Variants in NEK11 observed in about 807,000 individuals in gnomAD.
NEK11 encodes the protein NIMA related kinase 11.
A neutral mutation model predicts 80.7 loss-of-function variants in NEK11; 72 were observed. The observed-to-expected ratio is 0.89, with a 90% CI of 0.74 to 1.08. The LOEUF (loss-of-function observed/expected upper bound fraction) is 1.08, where lower values mean the gene tolerates loss of function less well. Ranked by LOEUF, NEK11 falls within the 50% of genes least tolerant of loss-of-function variation. NEK11 has a pLI of 0.00. For synonymous variants in NEK11, 251 were observed against 260.7 expected (o/e 0.96, Z 0.36); for missense variants, 764 against 763.6 (o/e 1.00, Z -0.01).
intron 5 of NEK11, among the ~76,000 whole-genome samples, chr3:131,124,523 C>T (rs1560523356): frequency 6.6e-6 from 1 of 152,052 alleles, no homozygotes; most frequent in Non-Finnish European, 1.5e-5. Context: ...CTTTACCTAA[C>T]AGGTCTGAGG....
intron 14 of NEK11, among the ~76,000 whole-genome samples, chr3:131,200,224 C>T (rs2094175312): frequency 6.6e-6 from 1 of 152,146 alleles, no homozygotes; most frequent in South Asian, 2.1e-4. Context: ...AAGAAAGTAA[C>T]TTCCAACCTG....
intron 17 of NEK11, among the ~76,000 whole-genome samples, chr3:131,346,903 T>C (rs2097371665): frequency 6.6e-6 from 1 of 152,162 alleles, no homozygotes; most frequent in African/African-American, 2.4e-5. Context: ...AAAGAAATGA[T>C]GGCTGAATGC....
At chr3:131,158,519 G>C (rs1418243150) in intron 10 of NEK11, among the ~76,000 whole-genome samples, 5 of 152,136 alleles carry the variant, frequency 3.3e-5, no homozygotes. Flanking sequence ...AGTGAAACTA[G>C]GTGCAGAGAA....
chr3:131,080,757 A>G (rs1435180808), intron 4 of NEK11, among the ~76,000 whole-genome samples, 169 bp downstream of exon 4: 1 of 152,200 alleles, frequency 6.6e-6, no homozygotes, highest in Non-Finnish European at 1.5e-5. Context: ...TAATTGACAA[A>G]ACTTGTTTCT....
chr3:131,114,189 T>C (rs2080630544), intron 5 of NEK11, among the ~76,000 whole-genome samples: 1 of 152,190 alleles, frequency 6.6e-6, no homozygotes, highest in South Asian at 2.1e-4. Flanking sequence ...GTATAAAACA[T>C]GTTTCCTTCA....
rs148189823 is a variant in NEK11, at chr3:131,062,894, A to C, written c.171-17529A>C. Among the ~76,000 whole-genome samples, 777 of 152,336 alleles carry C rather than the reference A, an allele frequency of 5.1e-3. 1 individual carries two copies. Among genetic ancestry groups the C allele is most frequent in the Non-Finnish European group, 9.0e-3 (610 of 68,020 alleles). On this transcript the variant is annotated intron_variant, in intron 3 of 17. Coordinates refer to ENST00000383366, the MANE Select transcript of NEK11 (RefSeq NM_024800.5). ...AGTAGGAGACTCAGGCATTCACTGT[A>C]ATCAACTACATAAAGCTAGGCAAGA...
intron 16 of NEK11, among the ~76,000 whole-genome samples, chr3:131,245,485 A>T (rs778357312): frequency 1.3e-5 from 2 of 152,150 alleles, no homozygotes; most frequent in Non-Finnish European, 2.9e-5. Context: ...TGGGATTGCT[A>T]GATTGAATGG....
intron 14 of NEK11, among the ~76,000 whole-genome samples, chr3:131,185,669 G>A (rs2093569942): frequency 1.3e-5 from 2 of 152,268 alleles, no homozygotes; most frequent in Middle Eastern, 3.4e-3. Context: ...ATAGATAGTG[G>A]TTCCTTTGAG....
At chr3:131,195,897 T>G (rs2093990815) in intron 14 of NEK11, among the ~76,000 whole-genome samples, 1 of 150,056 alleles carries the variant, frequency 6.7e-6, no homozygotes, top group Non-Finnish European at 1.5e-5. Context: ...TTTGATAATT[T>G]TTATACCCAT....
At chr3:131,066,293 C>A (rs1429036816) in intron 3 of NEK11, among the ~76,000 whole-genome samples, 2 of 152,156 alleles carry the variant, frequency 1.3e-5, no homozygotes, top group Non-Finnish European at 2.9e-5. Context: ...CAATTTGTGT[C>A]AGGATTATTG....
At chr3:131,219,895 C>G (rs2094961785) in intron 14 of NEK11, among the ~76,000 whole-genome samples, 1 of 152,148 alleles carries the variant, frequency 6.6e-6, no homozygotes, top group Non-Finnish European at 1.5e-5. Flanking sequence ...AGCCACTACA[C>G]CCACTTACAA....
intron 3 of NEK11, among the ~76,000 whole-genome samples, chr3:131,077,398 A>G (rs1202425868): frequency 2.0e-5 from 3 of 152,202 alleles, no homozygotes; most frequent in Non-Finnish European, 4.4e-5. Flanking sequence ...TCTCCGCATC[A>G]GCTAGAGAGA....
At chr3:131,247,995 G>A (rs755136321) in intron 16 of NEK11, among the ~76,000 whole-genome samples, 3 of 151,942 alleles carry the variant, frequency 2.0e-5, no homozygotes, top group Non-Finnish European at 4.4e-5. Context: ...AACAGTTTTT[G>A]GAGAAGTCTA....
At chr3:131,234,361 A>G (rs1162315838) in intron 15 of NEK11, among the ~76,000 whole-genome samples, 1 of 152,178 alleles carries the variant, frequency 6.6e-6, no homozygotes, top group Non-Finnish European at 1.5e-5. Context: ...TAATTAATTT[A>G]CCTTCATACT....
chr3:131,284,041 G>T (rs1014005969), intron 17 of NEK11, among the ~76,000 whole-genome samples: 1 of 152,188 alleles, frequency 6.6e-6, no homozygotes, highest in African/African-American at 2.4e-5. Flanking sequence ...TTACAACCTA[G>T]CTAGGGAAAC....
intron 11 of NEK11, 136 bp downstream of exon 11, chr3:131,162,663 C>G: frequency 1.1e-6 from 1 of 950,708 alleles, no homozygotes; most frequent in Non-Finnish European, 1.6e-6. Context: ...TATTCATTCA[C>G]TTGTTCACTC....
At chr3:131,260,792 C>T (rs1182486651) in intron 16 of NEK11, among the ~76,000 whole-genome samples, 1 of 152,064 alleles carries the variant, frequency 6.6e-6, no homozygotes, top group African/African-American at 2.4e-5. Flanking sequence ...CTAAGTATTC[C>T]TTAGGAAATT....
chr3:131,196,206 A>G (rs1237704068), intron 14 of NEK11, among the ~76,000 whole-genome samples: 5 of 152,180 alleles, frequency 3.3e-5, no homozygotes, highest in Non-Finnish European at 5.9e-5. Flanking sequence ...AGCAAAGTAA[A>G]GAATCCAGAA....
rs542073352 is a variant in NEK11, at chr3:131,190,915, A to G, written c.1399+20028A>G. Among the ~76,000 whole-genome samples, 7 of 152,300 alleles carry G rather than the reference A, an allele frequency of 4.6e-5. No individual in the cohort carries two copies. The East Asian group carries it at 1.4e-3, about 29-fold the overall frequency. ...GAGGTATGGAAAGGTGAGTTGGAAA[A>G]AAGCCTTAGTGTACAGACTTCTTTA... is the stretch of plus-strand genomic sequence containing the variant. On this transcript the variant is annotated intron_variant, in intron 14 of 17. Coordinates refer to ENST00000383366, the MANE Select transcript of NEK11 (RefSeq NM_024800.5).
Sources: gnomAD v4.1 joint callset for allele counts (sites outside exome capture counted in the v4.1 genomes callset) on GRCh38, gnomAD v4.1.1 for gene constraint, MANE v1.5 for transcripts, NCBI Gene and HGNC (gene_info 2026-07-23, HGNC 2026-07-21) for gene names.